The following SCP2 variants were observed in gnomAD, a reference collection of about 807,000 sequenced individuals.
SCP2 encodes sterol carrier protein 2.
SCP2 carries 48 observed loss-of-function variants against 71.4 expected under a neutral mutation model. The ratio of observed to expected loss-of-function variants is 0.67; its 90% confidence interval spans 0.53 to 0.86. The LOEUF (loss-of-function observed/expected upper bound fraction) is 0.86. Among genes scored for constraint, SCP2 ranks in the 40% least tolerant of loss-of-function variants. The pLI, the probability that SCP2 is intolerant of heterozygous loss-of-function variation, is 0.00. For missense variants in SCP2, 560 were observed against 655.6 expected, an observed-to-expected ratio of 0.85 and a Z score of 1.59; for synonymous variants, 220 against 218.1, an observed-to-expected ratio of 1.01 and a Z score of -0.08.
intron 4 of SCP2, among the ~76,000 whole-genome samples, chr1:52,951,889 T>C (rs1023013809): frequency 1.1e-4 from 17 of 152,124 alleles, no homozygotes; most frequent in African/African-American, 3.6e-4. Context: ...GCTAATTTTT[T>C]TGTATTTTTA....
chr1:52,937,202 T>A (rs556519340), intron 1 of SCP2, among the ~76,000 whole-genome samples: 2 of 152,278 alleles, frequency 1.3e-5, no homozygotes, highest in South Asian at 4.1e-4. Context: ...GAAATAGTAG[T>A]ATAAGAAGGA....
At chr1:52,976,888 G>C (rs1442636974) in intron 8 of SCP2, 119 bp downstream of exon 8, 1 of 682,778 alleles carries the variant, frequency 1.5e-6, no homozygotes, top group Admixed American at 2.2e-5. Flanking sequence ...ACTCCTCCCA[G>C]TGCCGTCCCC....
chr1:52,949,876 T>G (rs1338678166), intron 3 of SCP2, among the ~76,000 whole-genome samples: 1 of 152,224 alleles, frequency 6.6e-6, no homozygotes, highest in Non-Finnish European at 1.5e-5. Context: ...GAATAAATTT[T>G]GCTTCTAAGA....
intron 13 of SCP2, among the ~76,000 whole-genome samples, chr1:53,033,604 CAA>C (rs59576285): frequency 0.13 from 10,733 of 79,620 alleles, 593 homozygotes; most frequent in African/African-American, 0.23. Context: ...AACTCCATTT[CAA>C]AAAAAAAAAA....
intron 6 of SCP2, among the ~76,000 whole-genome samples, chr1:52,969,561 C>T (rs1657270956): frequency 1.3e-5 from 2 of 152,012 alleles, no homozygotes; most frequent in Non-Finnish European, 2.9e-5. Context: ...GTGACTCACA[C>T]CTGTAATCCC....
intron 1 of SCP2, among the ~76,000 whole-genome samples, chr1:52,935,599 A>G (rs12061814): frequency 6.0e-5 from 9 of 151,130 alleles, no homozygotes; most frequent in East Asian, 1.9e-4. Flanking sequence ...AAAAAAAAAA[A>G]AAAGAAAAAA....
Position 52,950,969 on chromosome 1 carries a change from A to G in SCP2, c.331+83A>G, listed in dbSNP as rs532133650. 2.9e-5 allele frequency: 43 copies of G among 1,475,920 alleles called. No individual in the cohort carries two copies. In the African/African-American group the frequency reaches 4.2e-4, roughly 14 times the overall value. 91.4% of individuals were successfully genotyped at this position (1,475,920 alleles called of 1,614,324 possible). On this transcript the variant is annotated intron_variant, in intron 4 of 15. Coordinates refer to ENST00000371514, the MANE Select transcript of SCP2 (RefSeq NM_002979.5). ...ACGACCATCAGAGGAATTATTTTATAATGTATTTGTTTTAAAAAAGTCTTC... is the reference window on the plus strand; with the variant it reads ...ACGACCATCAGAGGAATTATTTTATGATGTATTTGTTTTAAAAAAGTCTTC...
chr1:53,049,548 T>C (rs767914498), intron 15 of SCP2: 2 of 152,242 alleles, frequency 1.3e-5, no homozygotes, highest in Non-Finnish European at 2.9e-5. Flanking sequence ...ATTCATGTTT[T>C]CTCTATTGTT....
chr1:52,928,020 G>A (rs1410101430), intron 1 of SCP2, among the ~76,000 whole-genome samples: 2 of 152,184 alleles, frequency 1.3e-5, no homozygotes, highest in Non-Finnish European at 2.9e-5. Flanking sequence ...ACTGCCTTTC[G>A]TTTCTCCCCG....
chr1:53,012,816 G>A (rs1030158751), intron 11 of SCP2, among the ~76,000 whole-genome samples: 5 of 152,198 alleles, frequency 3.3e-5, no homozygotes, highest in Non-Finnish European at 5.9e-5. Flanking sequence ...TTACCAATTT[G>A]ATTGGTGTAA....
chr1:52,954,967 C>T (rs1019386662), intron 5 of SCP2, among the ~76,000 whole-genome samples, 163 bp downstream of exon 5: 1 of 151,998 alleles, frequency 6.6e-6, no homozygotes, highest in African/African-American at 2.4e-5. Flanking sequence ...AACTGGTGTT[C>T]AAGGATATGA....
chr1:53,048,012 C>A, intron 15 of SCP2, 75 bp downstream of exon 15: 1 of 1,010,244 alleles, frequency 9.9e-7, no homozygotes, highest in Non-Finnish European at 1.6e-6. Context: ...CTGACTCAGA[C>A]TCTAAAGTGC....
intron 1 of SCP2, among the ~76,000 whole-genome samples, chr1:52,929,758 G>A (rs1652960479): frequency 6.6e-6 from 1 of 152,190 alleles, no homozygotes; most frequent in Non-Finnish European, 1.5e-5. Context: ...GAGTAGCTGG[G>A]ACTACAGGTG....
Position 53,037,602 on chromosome 1 carries a change from T to G in SCP2, c.1339-1315T>G, listed in dbSNP as rs74529778. Among the ~76,000 whole-genome samples the G allele has an allele frequency of 9.7e-3, 1,470 of 152,164 alleles. 37 individuals are homozygous for G. The highest frequency in any genetic ancestry group is 0.081 in the East Asian group (419 of 5,172). On this transcript the variant is annotated intron_variant, in intron 13 of 15. Coordinates refer to ENST00000371514, the MANE Select transcript of SCP2 (RefSeq NM_002979.5). ...TTTTTTTTCTGTATTTAGGCCAGCT[T>G]CTTTCCCCGATGTCCAAAAGCAAGT...
chr1:52,958,853 C>A (rs116833768), intron 5 of SCP2, among the ~76,000 whole-genome samples: 4,107 of 151,918 alleles, frequency 0.027, 189 homozygotes, highest in African/African-American at 0.094. Flanking sequence ...CTGCGCCGGG[C>A]CTGATTTGTT....
chr1:53,036,020 A>C (rs867538640), intron 13 of SCP2, among the ~76,000 whole-genome samples: 17 of 89,710 alleles, frequency 1.9e-4, no homozygotes, highest in African/African-American at 1.4e-3. Flanking sequence ...ACTCCGTCTC[A>C]AAAAAAAAAA....
intron 11 of SCP2, among the ~76,000 whole-genome samples, chr1:52,998,177 G>A (rs1289880696): frequency 6.6e-6 from 1 of 152,036 alleles, no homozygotes; most frequent in Non-Finnish European, 1.5e-5. Flanking sequence ...TCCTGTTTAG[G>A]GCTGCATGAA....
chr1:53,016,391 T>C (rs575431626), intron 12 of SCP2, among the ~76,000 whole-genome samples: 1 of 151,994 alleles, frequency 6.6e-6, no homozygotes, highest in Admixed American at 6.5e-5. Flanking sequence ...CTCTTGTTCC[T>C]GGAGTCTCTC....
At chr1:52,939,967 A>G (rs1437264130) in intron 1 of SCP2, among the ~76,000 whole-genome samples, 2 of 152,028 alleles carry the variant, frequency 1.3e-5, no homozygotes, top group East Asian at 3.9e-4. Context: ...ACCATGCCCA[A>G]CCTGTACATG....
Sources: allele counts gnomAD v4.1 joint callset (sites outside exome capture counted in the v4.1 genomes callset), GRCh38; gene constraint gnomAD v4.1.1; transcripts MANE v1.5; gene names NCBI Gene and HGNC (gene_info 2026-07-23, HGNC 2026-07-21).